PDK1: variants seen among roughly 807,000 people sequenced by gnomAD.
PDK1 encodes pyruvate dehydrogenase kinase 1, also known as [Pyruvate dehydrogenase (acetyl-transferring)] kinase isozyme 1, mitochondrial.
Under a neutral mutation model 54.2 loss-of-function variants are expected in PDK1, and 39 were observed. That is an observed-to-expected ratio of 0.72 (90% confidence interval 0.56 to 0.94). The LOEUF (loss-of-function observed/expected upper bound fraction) is 0.94. Ranked by LOEUF, PDK1 falls within the 40% of genes least tolerant of loss-of-function variation. PDK1 has a pLI of 0.00. For synonymous variants in PDK1, 221 were observed against 207.1 expected (o/e 1.07, Z -0.58); for missense variants, 552 against 566.0 (o/e 0.98, Z 0.25).
intron 2 of PDK1, among the ~76,000 whole-genome samples, chr2:172,561,630 C>G (rs762514964): frequency 6.6e-6 from 1 of 152,226 alleles, no homozygotes; most frequent in African/African-American, 2.4e-5. Flanking sequence ...CATTCCTTAA[C>G]AGATGCTTTG....
At chr2:172,560,324 C>T (rs769279356) in intron 2 of PDK1, among the ~76,000 whole-genome samples, 4 of 152,156 alleles carry the variant, frequency 2.6e-5, no homozygotes, top group Non-Finnish European at 5.9e-5. Context: ...CGCCACCATA[C>T]CTGACCAATT....
At chr2:172,611,127 A>T (rs1034880560), downstream of PDK1, among the ~76,000 whole-genome samples, 3 of 152,144 alleles carry the variant, frequency 2.0e-5, no homozygotes, top group African/African-American at 4.8e-5. Flanking sequence ...AGAAGGGAAA[A>T]AATCCTCAAC....
the PDK1 span, among the ~76,000 whole-genome samples, chr2:172,702,664 G>GGCCA: frequency 6.7e-6 from 1 of 149,568 alleles, no homozygotes; most frequent in Non-Finnish European, 1.5e-5. Context: ...CAAAAATGCT[G>GGCCA]GGCTCATCTC....
the PDK1 span, among the ~76,000 whole-genome samples, chr2:172,702,549 G>C: frequency 6.8e-6 from 1 of 147,282 alleles, no homozygotes; most frequent in African/African-American, 2.5e-5. Context: ...CAATTGTCTC[G>C]CTTACCCCAT....
At chr2:172,570,913 A>G in intron 8 of PDK1, 89 bp downstream of exon 8, 1 of 719,890 alleles carries the variant, frequency 1.4e-6, no homozygotes, top group Non-Finnish European at 2.4e-6. Context: ...TAATTTCTAA[A>G]AGACATAATC....
chr2:172,613,741 G>A, the PDK1 span, among the ~76,000 whole-genome samples: 3 of 152,176 alleles, frequency 2.0e-5, no homozygotes, highest in Non-Finnish European at 4.4e-5. Context: ...ATGCCAGCAG[G>A]GAAGTGTGGC....
At position 172,596,507 on chromosome 2, in the gene PDK1, A is replaced by G. The variant is rs1392779448; in HGVS notation, c.*538A>G. 1.3e-5 allele frequency: 2 copies of G among 152,666 alleles called. No individual in the cohort carries two copies. The highest frequency in any genetic ancestry group is 6.5e-5 in the Admixed American group (1 of 15,370). The allele number at this position is 152,666 out of a possible 1,614,324, so 9.5% of individuals were successfully genotyped here. A position where few individuals can be genotyped will look rare whatever the true frequency, so the allele number is the denominator to read the frequency against. On this transcript the variant is annotated 3_prime_UTR_variant, in exon 11 of 11. Coordinates refer to ENST00000282077, the MANE Select transcript of PDK1 (RefSeq NM_002610.5). ...CAGCCACCCTTCGGCGTCTACATGC[A>G]TTGTCTTAGCTCTGAGGTTAATTTA...
At chr2:172,681,760 A>G in the PDK1 span, among the ~76,000 whole-genome samples, 2 of 152,030 alleles carry the variant, frequency 1.3e-5, no homozygotes, top group East Asian at 1.9e-4. Context: ...AATTTTATCT[A>G]TTAGTTATTA....
At chr2:172,662,271 A>G in the PDK1 span, among the ~76,000 whole-genome samples, 1 of 152,196 alleles carries the variant, frequency 6.6e-6, no homozygotes, top group Non-Finnish European at 1.5e-5. Flanking sequence ...TCAGGAGGCC[A>G]CAATTCACTC....
chr2:172,584,072 A>C (rs1224280274), intron 8 of PDK1, among the ~76,000 whole-genome samples: 1 of 152,204 alleles, frequency 6.6e-6, no homozygotes, highest in African/African-American at 2.4e-5. Flanking sequence ...GAGTTGAAAA[A>C]TGATATGAAA....
the PDK1 span, among the ~76,000 whole-genome samples, chr2:172,646,807 A>G: frequency 7.0e-6 from 1 of 142,046 alleles, no homozygotes; most frequent in Non-Finnish European, 1.5e-5. Context: ...GCACGATCTC[A>G]GCTCACTATA....
chr2:172,565,490 G>T (rs1458764558), intron 5 of PDK1, among the ~76,000 whole-genome samples: 2 of 152,008 alleles, frequency 1.3e-5, no homozygotes, highest in African/African-American at 4.8e-5. Context: ...CTTTAGTGCA[G>T]GCAGGGTTTT....
At chr2:172,687,129 TA>T in the PDK1 span, among the ~76,000 whole-genome samples, 39,670 of 152,036 alleles carry the variant, frequency 0.26, 6,699 homozygotes, top group Non-Finnish European at 0.38. Context: ...GTAGAAGTTG[TA>T]AAGAGAAACA....
At chr2:172,706,858 G>A in the PDK1 span, among the ~76,000 whole-genome samples, 1 of 152,102 alleles carries the variant, frequency 6.6e-6, no homozygotes, top group African/African-American at 2.4e-5. Flanking sequence ...CTCCATTACT[G>A]GCCAGTGAGG....
the PDK1 span, among the ~76,000 whole-genome samples, chr2:172,614,576 A>C: frequency 6.6e-6 from 1 of 152,204 alleles, no homozygotes; most frequent in Middle Eastern, 3.2e-3. Flanking sequence ...ACCTGCAGAC[A>C]TCTGAATGAC....
chr2:172,609,055 T>G (rs1691384743), downstream of PDK1, among the ~76,000 whole-genome samples: 1 of 152,214 alleles, frequency 6.6e-6, no homozygotes, highest in Non-Finnish European at 1.5e-5. Context: ...CTTAGAAGCT[T>G]TATTTTCTAA....
the PDK1 span, among the ~76,000 whole-genome samples, chr2:172,635,321 G>A: frequency 3.3e-5 from 5 of 152,000 alleles, no homozygotes; most frequent in Middle Eastern, 3.4e-3. Flanking sequence ...ACTTTTTTGC[G>A]GGGCGGAGGG....
At chr2:172,631,093 T>A in the PDK1 span, among the ~76,000 whole-genome samples, 1 of 152,256 alleles carries the variant, frequency 6.6e-6, no homozygotes, top group African/African-American at 2.4e-5. Flanking sequence ...TCAGCTTTAT[T>A]TTTCTATATA....
chr2:172,556,064 G>A (rs754061881), upstream of PDK1: 886 of 1,056,904 alleles, frequency 8.4e-4, no homozygotes, highest in Non-Finnish European at 1.0e-3. Context: ...CCCCGCCCCT[G>A]CTGCCCGCCA....
Sources: gnomAD v4.1 joint callset for allele counts (sites outside exome capture counted in the v4.1 genomes callset) on GRCh38, gnomAD v4.1.1 for gene constraint, MANE v1.5 for transcripts, NCBI Gene and HGNC (gene_info 2026-07-23, HGNC 2026-07-21) for gene names.